ULK4: variants seen among roughly 807,000 people sequenced by gnomAD.
ULK4 encodes the protein inactive serine/threonine-protein kinase ULK4.
ULK4 carries 133 observed loss-of-function variants against 160.6 expected under a neutral mutation model. The observed-to-expected ratio is 0.83, with a 90% CI of 0.72 to 0.96. The LOEUF (loss-of-function observed/expected upper bound fraction) is 0.96, where lower values mean the gene tolerates loss of function less well. ULK4 is among the 40% of genes least tolerant of loss of function. ULK4 has a pLI of 0.00. For missense variants in ULK4, 1,580 were observed against 1,499.5 expected, an observed-to-expected ratio of 1.05 and a Z score of -0.89; for synonymous variants, 534 against 539.8, an observed-to-expected ratio of 0.99 and a Z score of 0.15.
At chr3:41,946,757 T>G (rs1314369659) in intron 2 of ULK4, among the ~76,000 whole-genome samples, 1 of 152,196 alleles carries the variant, frequency 6.6e-6, no homozygotes, top group Non-Finnish European at 1.5e-5. Flanking sequence ...GTTTCCATGT[T>G]GCGGTCAAAG....
chr3:41,645,420 A>T (rs938910780), intron 30 of ULK4, among the ~76,000 whole-genome samples: 2 of 152,038 alleles, frequency 1.3e-5, no homozygotes, highest in Non-Finnish European at 2.9e-5. Flanking sequence ...TTCAAAGAAC[A>T]TCTTTATTTC....
At chr3:41,611,287 G>A (rs780281094) in intron 31 of ULK4, among the ~76,000 whole-genome samples, 3 of 152,168 alleles carry the variant, frequency 2.0e-5, no homozygotes, top group African/African-American at 7.2e-5. Context: ...AAAATGCAGA[G>A]GTCTCACCCA....
At chr3:41,513,051 G>A (rs1418508537) in intron 32 of ULK4, among the ~76,000 whole-genome samples, 1 of 152,082 alleles carries the variant, frequency 6.6e-6, no homozygotes, top group Non-Finnish European at 1.5e-5. Context: ...GTGGGGAGAG[G>A]ACACCCTATT....
At chr3:41,606,112 T>A (rs1438798633) in intron 31 of ULK4, among the ~76,000 whole-genome samples, 2 of 151,974 alleles carry the variant, frequency 1.3e-5, no homozygotes, top group East Asian at 3.9e-4. Context: ...TAGGGGGACA[T>A]TTTAGCACTA....
intron 35 of ULK4, among the ~76,000 whole-genome samples, chr3:41,293,314 G>A (rs1225262836): frequency 1.3e-5 from 2 of 152,114 alleles, no homozygotes; most frequent in Admixed American, 6.5e-5. Context: ...AAAGCTGGCA[G>A]GATTCCATGG....
At position 41,789,726 on chromosome 3, in the gene ULK4, T is replaced by G. The variant is rs1215273137; in HGVS notation, c.2128A>C (p.Met710Leu). Reference sequence around the variant, plus strand: ...AACATGGCAGCGAATAAGGTCAACATGTACTGCTGAACTTTGCAGATGGCA... The same window carrying G: ...AACATGGCAGCGAATAAGGTCAACAGGTACTGCTGAACTTTGCAGATGGCA... The part of the protein sequence containing the change: ...ASAICKVQQY[M>L]LTLFAAMLSC... The change falls in exon 21 of 37, where the codon ATG becomes CTG. Residue 710 changes from methionine to leucine, a missense_variant. Met to Leu is a conservative substitution (Grantham distance 15, BLOSUM62 2). Coordinates refer to ENST00000301831, the MANE Select transcript of ULK4 (RefSeq NM_017886.4). The G allele has an allele frequency of 2.5e-6, 4 of 1,613,558 alleles. No homozygotes were observed. The highest frequency in any genetic ancestry group is 3.3e-5 in the Admixed American group (2 of 59,930).
rs777704025 is a variant in ULK4 at position 41,915,988 on chromosome 3, A to T, written c.792T>A (p.Asp264Glu). Residue 264 changes from aspartate (D) to glutamate (E), a missense_variant, in exon 8 of 37, where the codon GAT becomes GAA. Asp to Glu is a conservative substitution (Grantham distance 45, BLOSUM62 2). Transcript: ENST00000301831. Reference sequence around the variant, plus strand: ...ACTACTGTCCCTACCTTTTCTGAGGATCTCTTTGAAGTAACCCATCAAGCA... The same window carrying T: ...ACTACTGTCCCTACCTTTTCTGAGGTTCTCTTTGAAGTAACCCATCAAGCA... ...INLLDGLLQR[D>E]PQKRLTWTRL... 1.7e-5 allele frequency: 27 copies of T among 1,589,102 alleles called. No individual in the cohort carries two copies. The highest frequency in any genetic ancestry group is 2.1e-5 in the Non-Finnish European group (25 of 1,173,724).
At chr3:41,320,843 G>A (rs1350515891) in intron 35 of ULK4, among the ~76,000 whole-genome samples, 1 of 152,192 alleles carries the variant, frequency 6.6e-6, no homozygotes, top group Non-Finnish European at 1.5e-5. Context: ...CTTGAACCTG[G>A]GAGGTAGAGG....
intron 30 of ULK4, among the ~76,000 whole-genome samples, chr3:41,656,020 C>T (rs939740384): frequency 1.5e-4 from 23 of 152,154 alleles, no homozygotes; most frequent in Non-Finnish European, 2.9e-4. Flanking sequence ...AAAGTCAATT[C>T]AAAAACACTG....
chr3:41,463,880 C>A (rs934606085), intron 32 of ULK4, among the ~76,000 whole-genome samples: 7 of 151,794 alleles, frequency 4.6e-5, no homozygotes, highest in African/African-American at 1.7e-4. Context: ...ACATTTTTAT[C>A]CTATTATATA....
intron 31 of ULK4, among the ~76,000 whole-genome samples, chr3:41,569,711 G>C (rs2087905157): frequency 6.6e-6 from 1 of 151,940 alleles, no homozygotes; most frequent in Non-Finnish European, 1.5e-5. Context: ...CTCTCTTGTT[G>C]ATCAGACTCA....
At chr3:41,683,742 A>G (rs1441981804) in intron 27 of ULK4, among the ~76,000 whole-genome samples, 1 of 151,946 alleles carries the variant, frequency 6.6e-6, no homozygotes, top group African/African-American at 2.4e-5. Context: ...TTCAACCTCA[A>G]TAGACACCCA....
At chr3:41,804,341 C>G (rs1042926538) in intron 19 of ULK4, among the ~76,000 whole-genome samples, 1 of 151,848 alleles carries the variant, frequency 6.6e-6, no homozygotes, top group African/African-American at 2.4e-5. Context: ...TTGTTTTTTT[C>G]TTGTAAATTT....
chr3:41,569,063 T>C (rs2087880660), intron 31 of ULK4, among the ~76,000 whole-genome samples: 2 of 152,208 alleles, frequency 1.3e-5, no homozygotes, highest in South Asian at 2.1e-4. Context: ...GTGCAAGGTA[T>C]GGGGGAAGAA....
At position 41,787,099 on chromosome 3, in the gene ULK4, T is replaced by C. The variant is rs116518452; in HGVS notation, c.2193+2562A>G. 6.6e-3 allele frequency among the ~76,000 whole-genome samples: 999 copies of C among 152,210 alleles called. 9 individuals are homozygous for C. The highest frequency in any genetic ancestry group is 0.023 in the African/African-American group (965 of 41,512). On this transcript the variant is annotated intron_variant, in intron 21 of 36. Transcript: ENST00000301831. ...GCTACTCTACTTCAGCCAAGCACCATGGAAAAACCACACCCCAACCCCACC... is the reference window on the plus strand; with the variant it reads ...GCTACTCTACTTCAGCCAAGCACCACGGAAAAACCACACCCCAACCCCACC...
chr3:41,869,562 C>A (rs1559619776), intron 17 of ULK4, among the ~76,000 whole-genome samples: 2 of 152,046 alleles, frequency 1.3e-5, no homozygotes, highest in South Asian at 4.2e-4. Flanking sequence ...CCTGGGTGAC[C>A]GGGTGAGACT....
At chr3:41,773,700 T>C (rs1421449981) in intron 21 of ULK4, among the ~76,000 whole-genome samples, 8 of 152,148 alleles carry the variant, frequency 5.3e-5, no homozygotes, top group Admixed American at 3.3e-4. Flanking sequence ...ATGACTTTCT[T>C]CACAGAATTG....
At chr3:41,888,959 T>A (rs889815747) in intron 16 of ULK4, among the ~76,000 whole-genome samples, 1 of 152,110 alleles carries the variant, frequency 6.6e-6, no homozygotes, top group Non-Finnish European at 1.5e-5. Context: ...GAAAGAGACT[T>A]AGGCAAGCAT....
chr3:41,706,849 A>ATG (rs749756575), intron 25 of ULK4, among the ~76,000 whole-genome samples: 11,175 of 102,140 alleles, frequency 0.11, 566 homozygotes, highest in Middle Eastern at 0.12. Flanking sequence ...AAAAAAAAAT[A>ATG]TGTGTGTGTG....
Sources: allele counts gnomAD v4.1 joint callset (sites outside exome capture counted in the v4.1 genomes callset), GRCh38; gene constraint gnomAD v4.1.1; transcripts MANE v1.5; gene names NCBI Gene and HGNC (gene_info 2026-07-23, HGNC 2026-07-21).